The following NAV3 variants were observed in gnomAD, a reference collection of about 807,000 sequenced individuals.
The protein encoded by NAV3 is neuron navigator 3.
NAV3 carries 87 observed loss-of-function variants against 244.7 expected under a neutral mutation model. The ratio of observed to expected loss-of-function variants is 0.36; its 90% CI spans 0.30 to 0.42. The LOEUF (loss-of-function observed/expected upper bound fraction) is 0.42. NAV3 is among the 20% of genes least tolerant of loss of function. NAV3 has a pLI of 1.00. For missense variants in NAV3, 2,663 were observed against 2,893.3 expected, an observed-to-expected ratio of 0.92 and a Z score of 1.83; for synonymous variants, 1,126 against 1,042.2, an observed-to-expected ratio of 1.08 and a Z score of -1.55.
At chr12:77,578,302 T>C (rs1592468758) in intron 2 of NAV3, among the ~76,000 whole-genome samples, 1 of 152,180 alleles carries the variant, frequency 6.6e-6, no homozygotes, top group Non-Finnish European at 1.5e-5. Context: ...GTGACTCTAA[T>C]GCACAGCAAT....
At chr12:78,089,095 G>A (rs953409592) in intron 12 of NAV3, among the ~76,000 whole-genome samples, 2 of 151,992 alleles carry the variant, frequency 1.3e-5, no homozygotes, top group Non-Finnish European at 2.9e-5. Context: ...TGCAAATATC[G>A]CAGGTCAGGT....
chr12:78,154,891 T>A (rs1431304411), intron 22 of NAV3, among the ~76,000 whole-genome samples: 2 of 152,018 alleles, frequency 1.3e-5, no homozygotes, highest in Non-Finnish European at 2.9e-5. Context: ...AGTAGAAAAA[T>A]TTTCCCTTAT....
chr12:77,852,310 G>A (rs1474774371), intron 1 of NAV3, among the ~76,000 whole-genome samples: 2 of 152,170 alleles, frequency 1.3e-5, no homozygotes. Context: ...TAAGGCAGGG[G>A]GATAACCTGC....
chr12:77,738,133 G>A (rs918419831), intron 2 of NAV3, among the ~76,000 whole-genome samples: 58 of 152,042 alleles, frequency 3.8e-4, no homozygotes, highest in African/African-American at 1.3e-3. Flanking sequence ...CATCCTGTCC[G>A]GGTCTAATTG....
intron 9 of NAV3, among the ~76,000 whole-genome samples, chr12:78,040,895 T>C (rs1173589136): frequency 6.6e-6 from 1 of 152,222 alleles, no homozygotes. Flanking sequence ...ATAAATTTCT[T>C]CTTTGTATGT....
At position 78,024,764 on chromosome 12, in the gene NAV3, T is replaced by G. The variant is rs546969451; in HGVS notation, c.2023+2902T>G. ...AGGCCAAGGTGGGCAGATCACGAGG[T>G]CAGGAGATCGAGACCATCCTGGCTA... is the stretch of plus-strand genomic sequence containing the variant. On this transcript the variant is annotated intron_variant, in intron 9 of 39. Transcript: ENST00000397909. Among the ~76,000 whole-genome samples, 8 of 152,128 alleles carry G rather than the reference T, an allele frequency of 5.3e-5. No homozygotes were observed. The East Asian group carries it at 1.6e-3, about 30-fold the overall frequency.
intron 2 of NAV3, among the ~76,000 whole-genome samples, chr12:77,647,768 A>G (rs918189351): frequency 3.3e-5 from 5 of 152,080 alleles, no homozygotes; most frequent in African/African-American, 1.2e-4. Context: ...CACTACTCCT[A>G]TATTATGTTT....
chr12:77,733,830 T>A (rs1450996436), intron 2 of NAV3, among the ~76,000 whole-genome samples: 1 of 129,868 alleles, frequency 7.7e-6, no homozygotes, highest in Non-Finnish European at 1.6e-5. Flanking sequence ...TTGACTTGGT[T>A]TAGATTTTTT....
intron 22 of NAV3, among the ~76,000 whole-genome samples, chr12:78,149,485 A>T (rs781260541): frequency 2.6e-5 from 4 of 152,104 alleles, no homozygotes; most frequent in Non-Finnish European, 5.9e-5. Flanking sequence ...GGCAGAAATG[A>T]TGACAATGAA....
chr12:78,098,955 GTT>G (rs11436048), intron 12 of NAV3, among the ~76,000 whole-genome samples: 1 of 143,340 alleles, frequency 7.0e-6, no homozygotes, highest in Non-Finnish European at 1.5e-5. Flanking sequence ...AGTATCCAGG[GTT>G]TTTTTTTTTT....
At chr12:78,050,686 C>T (rs2137240355) in intron 10 of NAV3, 78 bp from the exon 11 acceptor site, 1 of 1,451,228 alleles carries the variant, frequency 6.9e-7, no homozygotes, top group Non-Finnish European at 9.3e-7. Flanking sequence ...TCAACTCCAG[C>T]CTTTTCTGTC....
At chr12:77,801,658 T>C (rs1003597540) in intron 2 of NAV3, among the ~76,000 whole-genome samples, 2 of 152,124 alleles carry the variant, frequency 1.3e-5, no homozygotes, top group African/African-American at 4.8e-5. Flanking sequence ...TTGGAAAACT[T>C]GGTATATAAA....
intron 2 of NAV3, among the ~76,000 whole-genome samples, chr12:77,611,795 T>A (rs1158037485): frequency 6.6e-6 from 1 of 151,848 alleles, no homozygotes; most frequent in African/African-American, 2.4e-5. Context: ...TTAAGTATAA[T>A]TTTTTTTACT....
At chr12:77,925,769 GATAC>G (rs763595770) in intron 1 of NAV3, among the ~76,000 whole-genome samples, 1 of 152,242 alleles carries the variant, frequency 6.6e-6, no homozygotes, top group East Asian at 1.9e-4. Flanking sequence ...GCAGAAAGCT[GATAC>G]ATAATTGTGT....
intron 2 of NAV3, among the ~76,000 whole-genome samples, chr12:77,732,762 A>G (rs571657238): frequency 6.6e-6 from 1 of 152,184 alleles, no homozygotes; most frequent in Admixed American, 6.5e-5. Flanking sequence ...CCTGACTACT[A>G]AGCCTATGTA....
chr12:77,777,806 T>TG (rs1565809889), intron 2 of NAV3, among the ~76,000 whole-genome samples: 1 of 122,796 alleles, frequency 8.1e-6, no homozygotes, highest in Non-Finnish European at 1.9e-5. Flanking sequence ...ACTTTTTTTT[T>TG]CTTTTTTCTT....
intron 2 of NAV3, among the ~76,000 whole-genome samples, chr12:77,746,926 GA>G (rs1395789886): frequency 1.3e-5 from 2 of 152,118 alleles, no homozygotes; most frequent in Non-Finnish European, 2.9e-5. Context: ...AAAATGCAAA[GA>G]AAAATGAAAA....
At chr12:78,016,718 TG>T (rs1162882651) in intron 8 of NAV3, among the ~76,000 whole-genome samples, 2 of 152,218 alleles carry the variant, frequency 1.3e-5, no homozygotes, top group Admixed American at 6.6e-5. Flanking sequence ...TGTCTACATT[TG>T]TGACCATATC....
intron 12 of NAV3, among the ~76,000 whole-genome samples, chr12:78,111,088 G>T (rs1394021811): frequency 2.6e-5 from 4 of 151,856 alleles, no homozygotes; most frequent in South Asian, 2.1e-4. Flanking sequence ...ATAGTTAAAA[G>T]AAATAAATTC....
Sources: gnomAD v4.1 joint callset for allele counts (sites outside exome capture counted in the v4.1 genomes callset) on GRCh38, gnomAD v4.1.1 for gene constraint, MANE v1.5 for transcripts, NCBI Gene and HGNC (gene_info 2026-07-23, HGNC 2026-07-21) for gene names.